The following SUCO variants were observed in gnomAD, a reference collection of about 807,000 sequenced individuals.
SUCO encodes the protein SUN domain containing ossification factor, also known as SUN domain-containing ossification factor.
In SUCO, 57 loss-of-function variants were observed where a neutral mutation model predicts 148.1. The observed-to-expected ratio is 0.38, with a 90% CI of 0.31 to 0.48. The LOEUF (loss-of-function observed/expected upper bound fraction) is 0.48. Among genes scored for constraint, SUCO ranks in the 20% least tolerant of loss-of-function variants. SUCO has a pLI of 0.96. For synonymous variants in SUCO, 470 were observed against 502.7 expected (o/e 0.93, Z 0.87); for missense variants, 1,331 against 1,468.2 (o/e 0.91, Z 1.53).
In SUCO at chr1:172,533,348, CCTG is replaced by C. The variant is rs1558163921; in HGVS notation, c.-85_-83del. 1 of 1,551,710 alleles carries C rather than the reference CCTG, an allele frequency of 6.4e-7. No individual in the cohort carries two copies. The highest frequency in any genetic ancestry group is 2.0e-5 in the Admixed American group (1 of 51,020). ...GGACTATCGGTCACATTCTCGCGCT[CCTG>C]CTCCGGCTCCTCCATCTTGGCCTCG... On this transcript the variant is annotated 5_prime_UTR_variant, in exon 1 of 24. Coordinates refer to ENST00000263688, the MANE Select transcript of SUCO (RefSeq NM_014283.5).
At chr1:172,603,804 A>C (rs539323030) in intron 22 of SUCO, among the ~76,000 whole-genome samples, 117 of 152,144 alleles carry the variant, frequency 7.7e-4, no homozygotes, top group Non-Finnish European at 1.4e-3. Flanking sequence ...TTTGATGTGT[A>C]ACCATTGTGA....
intron 1 of SUCO, among the ~76,000 whole-genome samples, chr1:172,545,613 A>T (rs1652794070): frequency 6.6e-6 from 1 of 152,174 alleles, no homozygotes; most frequent in South Asian, 2.1e-4. Context: ...ACACCATACT[A>T]GTCTCAGTGG....
chr1:172,548,688 T>C (rs959070028), intron 1 of SUCO, among the ~76,000 whole-genome samples: 1 of 152,066 alleles, frequency 6.6e-6, no homozygotes, highest in Non-Finnish European at 1.5e-5. Context: ...CTTTCTGTTA[T>C]TTCAAATTTT....
intron 1 of SUCO, among the ~76,000 whole-genome samples, chr1:172,540,217 T>C (rs1225289418): frequency 6.6e-6 from 1 of 152,216 alleles, no homozygotes; most frequent in Admixed American, 6.5e-5. Context: ...TCTAAGCCTG[T>C]GTTCTCTTAA....
intron 1 of SUCO, 32 bp downstream of exon 1, chr1:172,533,529 T>A: frequency 6.6e-7 from 1 of 1,513,904 alleles, no homozygotes. Flanking sequence ...GGAGTTCCCG[T>A]GAGGGGAGTA....
chr1:172,591,104 A>G lies in SUCO; in HGVS notation c.2913+33A>G, dbSNP rs377604293. ...TCTACATCCCTTATTTACTTTTTAT[A>G]TAAATTTCCACTGAATTCTGTAGGG... On this transcript the variant is annotated intron_variant, in intron 19 of 23. Coordinates refer to ENST00000263688, the MANE Select transcript of SUCO (RefSeq NM_014283.5). The G allele has an allele frequency of 2.0e-6, 3 of 1,514,852 alleles. No homozygotes were observed. The African/African-American group carries it at 4.2e-5, about 21-fold the overall frequency. 93.8% of individuals were successfully genotyped at this position (1,514,852 alleles called of 1,614,324 possible).
At chr1:172,550,903 A>G (rs1653244570) in intron 1 of SUCO, 4 of 975,454 alleles carry the variant, frequency 4.1e-6, no homozygotes, top group Non-Finnish European at 4.9e-6. Context: ...ACTAGTTTTG[A>G]ATGTCAGAGC....
intron 22 of SUCO, 172 bp from the exon 23 acceptor site, chr1:172,608,575 C>T: frequency 1.6e-6 from 1 of 624,592 alleles, no homozygotes; most frequent in African/African-American, 1.9e-5. Context: ...CCTCTTTTTG[C>T]TTACTAATTT....
chr1:172,542,133 A>G (rs1198853805), intron 1 of SUCO, among the ~76,000 whole-genome samples: 1 of 152,106 alleles, frequency 6.6e-6, no homozygotes, highest in Non-Finnish European at 1.5e-5. Context: ...TAATCCCAGC[A>G]CTTTGGGAGG....
intron 19 of SUCO, chr1:172,599,517 C>T (rs1250259994): frequency 2.8e-6 from 1 of 355,160 alleles, no homozygotes; most frequent in African/African-American, 2.2e-5. Flanking sequence ...ATTTTTGATG[C>T]ATTTCTTTCA....
chr1:172,561,896 GACA>G (rs1654185043), intron 6 of SUCO, among the ~76,000 whole-genome samples: 1 of 152,142 alleles, frequency 6.6e-6, no homozygotes, highest in Non-Finnish European at 1.5e-5. Flanking sequence ...AGCACCTTCT[GACA>G]ACAAGGAGGA....
chr1:172,540,433 A>T (rs562432706), intron 1 of SUCO, among the ~76,000 whole-genome samples: 1 of 152,260 alleles, frequency 6.6e-6, no homozygotes, highest in East Asian at 1.9e-4. Flanking sequence ...TACCTTGTAG[A>T]TTTTGTCAGT....
At chr1:172,556,976 C>T in intron 4 of SUCO, 1 of 981,502 alleles carries the variant, frequency 1.0e-6, no homozygotes, top group Non-Finnish European at 1.2e-6. Flanking sequence ...CCATAAGTAA[C>T]AACTTTAATG....
intron 1 of SUCO, among the ~76,000 whole-genome samples, chr1:172,540,792 C>T (rs1652393281): frequency 6.6e-6 from 1 of 151,932 alleles, no homozygotes; most frequent in Non-Finnish European, 1.5e-5. Flanking sequence ...GGGTAGATGG[C>T]ACTTAATTGT....
intron 1 of SUCO, chr1:172,542,955 G>A (rs1266684572): frequency 4.1e-6 from 4 of 985,194 alleles, no homozygotes; most frequent in Non-Finnish European, 4.8e-6. Context: ...TTTTGGGAGT[G>A]GAGAATAATA....
intron 9 of SUCO, 101 bp from the exon 10 acceptor site, chr1:172,573,768 CCTCTTAACATTTTAATGAGTAA>C (rs1655219725): frequency 1.7e-6 from 1 of 591,250 alleles, no homozygotes; most frequent in African/African-American, 1.9e-5. Context: ...TACATACCCT[CCTCTTAACATTTTAATGAGTAA>C]CTCTTAATGG....
rs141077180 is a variant in SUCO, at chr1:172,596,733, T to A, written c.2914-3331T>A. ...GCCTCCCAGTTAGGCTACACGGGGG[T>A]CAGGGACCCACTTGAGGAGGCAGTC... On this transcript the variant is annotated intron_variant, in intron 19 of 23. Transcript: ENST00000263688. 4.2e-3 allele frequency among the ~76,000 whole-genome samples: 638 copies of A among 152,190 alleles called. 4 individuals carry two copies. The highest frequency in any genetic ancestry group is 0.018 in the South Asian group (88 of 4,808).
intron 6 of SUCO, among the ~76,000 whole-genome samples, chr1:172,564,632 A>G (rs1654426449): frequency 6.6e-6 from 1 of 151,296 alleles, no homozygotes; most frequent in African/African-American, 2.4e-5. Flanking sequence ...TAAATTACCC[A>G]ATCTCAGGTT....
At chr1:172,554,737 CAAA>C (rs77841500) in intron 3 of SUCO, among the ~76,000 whole-genome samples, 6 of 68,504 alleles carry the variant, frequency 8.8e-5, no homozygotes, top group Admixed American at 1.7e-4. Context: ...GACTCTGTCT[CAAA>C]AAAAAAAAAA....
Sources: gnomAD v4.1 joint callset for allele counts (sites outside exome capture counted in the v4.1 genomes callset) on GRCh38, gnomAD v4.1.1 for gene constraint, MANE v1.5 for transcripts, NCBI Gene and HGNC (gene_info 2026-07-23, HGNC 2026-07-21) for gene names.